Variants in NRG3 observed in about 807,000 individuals in gnomAD.
NRG3 encodes the protein pro-neuregulin-3, membrane-bound isoform.
In NRG3, 31 loss-of-function variants were observed where a neutral mutation model predicts 66.9. The observed-to-expected ratio is 0.46, with a 90% CI of 0.35 to 0.63. The LOEUF is 0.63. NRG3 is among the 20% of genes least tolerant of loss of function. The pLI is 0.00. For synonymous variants in NRG3, 393 were observed against 359.4 expected (o/e 1.09, Z -1.06); for missense variants, 910 against 878.9 (o/e 1.04, Z -0.45).
chr10:82,942,773 A>G (rs1564650780), intron 4 of NRG3, among the ~76,000 whole-genome samples: 1 of 152,056 alleles, frequency 6.6e-6, no homozygotes, highest in Non-Finnish European at 1.5e-5. Context: ...CCTCTTATCC[A>G]TTGTCTTTAC....
At chr10:82,794,890 A>G (rs555836318) in intron 3 of NRG3, among the ~76,000 whole-genome samples, 1 of 152,270 alleles carries the variant, frequency 6.6e-6, no homozygotes, top group East Asian at 1.9e-4. Context: ...GTGGCCACTC[A>G]CCCAAATGTA....
Position 82,973,859 on chromosome 10 carries a change from G to T in NRG3, c.1356G>T (p.Gln452His). 2 of 1,614,094 alleles carry T rather than the reference G, an allele frequency of 1.2e-6. No homozygotes were observed. The highest frequency in any genetic ancestry group is 1.7e-6 in the Non-Finnish European group (2 of 1,179,972). The change falls in exon 7 of 9, where the codon CAG becomes CAT. Residue 452 changes from glutamine to histidine, a missense_variant. Gln to His is a conservative substitution (Grantham distance 24). Transcript: ENST00000372141. ...KMMESSFVGP[Q>H]SFPEVPSPDR... ...TGGAGTCAAGTTTTGTCGGCCCCCA[G>T]TCATTCCCTGAGGTCCCTTCTCCTG...
intron 2 of NRG3, among the ~76,000 whole-genome samples, chr10:82,514,114 A>T (rs1234102102): frequency 2.0e-5 from 3 of 152,140 alleles, no homozygotes; most frequent in Admixed American, 2.0e-4. Flanking sequence ...CAGATGGCAA[A>T]ATTATTTTTC....
rs561944524 is a variant in NRG3, at chr10:82,640,077, C to T, written c.954-98500C>T. Among the ~76,000 whole-genome samples the T allele has an allele frequency of 7.2e-5, 11 of 152,244 alleles. No individual in the cohort carries two copies. In the East Asian group the frequency reaches 1.4e-3, roughly 19 times the overall value. ...AGGGATAATGGCCTCCAGTTCCATC[C>T]GTGTTCCTGCAGAGGACAAGATTGT... On this transcript the variant is annotated intron_variant, in intron 2 of 8. Coordinates refer to ENST00000372141, the MANE Select transcript of NRG3 (RefSeq NM_001010848.4).
intron 1 of NRG3, among the ~76,000 whole-genome samples, chr10:82,285,414 A>G (rs1036994861): frequency 6.6e-6 from 1 of 152,188 alleles, no homozygotes; most frequent in Non-Finnish European, 1.5e-5. Context: ...CAAACTTATG[A>G]TAGGAAAGTG....
At chr10:81,977,967 T>G (rs943028658) in intron 1 of NRG3, among the ~76,000 whole-genome samples, 1 of 152,132 alleles carries the variant, frequency 6.6e-6, no homozygotes, top group African/African-American at 2.4e-5. Flanking sequence ...GATACATGTA[T>G]TGTATCAGAT....
At chr10:81,948,955 A>G (rs908349958) in intron 1 of NRG3, among the ~76,000 whole-genome samples, 9 of 152,202 alleles carry the variant, frequency 5.9e-5, no homozygotes, top group Admixed American at 4.6e-4. Context: ...GGCAGGGTCC[A>G]AGAACATTTC....
At chr10:81,917,819 G>T (rs1845852835) in intron 1 of NRG3, among the ~76,000 whole-genome samples, 1 of 152,180 alleles carries the variant, frequency 6.6e-6, no homozygotes, top group Non-Finnish European at 1.5e-5. Flanking sequence ...AAAACTGAGA[G>T]CATTGGGCAC....
chr10:82,592,141 G>T (rs1243991131), intron 2 of NRG3, among the ~76,000 whole-genome samples: 1 of 152,156 alleles, frequency 6.6e-6, no homozygotes, highest in East Asian at 1.9e-4. Context: ...ACATGTAATG[G>T]CTCAGTGAAA....
chr10:82,747,040 G>A (rs1304965095), intron 3 of NRG3, among the ~76,000 whole-genome samples: 2 of 152,008 alleles, frequency 1.3e-5, no homozygotes, highest in African/African-American at 2.4e-5. Context: ...TTGTGATTGC[G>A]CCACTGCACT....
intron 2 of NRG3, among the ~76,000 whole-genome samples, chr10:82,507,101 A>G (rs1393005468): frequency 1.3e-5 from 2 of 152,244 alleles, no homozygotes; most frequent in African/African-American, 4.8e-5. Flanking sequence ...GGAGAATGAA[A>G]GAGCAATGTG....
intron 1 of NRG3, among the ~76,000 whole-genome samples, chr10:82,274,140 T>C (rs1198913708): frequency 6.6e-6 from 1 of 152,002 alleles, no homozygotes; most frequent in African/African-American, 2.4e-5. Flanking sequence ...TATTTTAAAA[T>C]TAAAAAAATC....
intron 3 of NRG3, among the ~76,000 whole-genome samples, chr10:82,782,355 G>A (rs1168673220): frequency 1.3e-5 from 2 of 152,070 alleles, no homozygotes; most frequent in African/African-American, 4.8e-5. Context: ...ACCTTTTGCT[G>A]TGCAATAATG....
chr10:81,894,744 T>C (rs1843365393), intron 1 of NRG3, among the ~76,000 whole-genome samples: 1 of 152,194 alleles, frequency 6.6e-6, no homozygotes, highest in Non-Finnish European at 1.5e-5. Context: ...CGTTCTGTCC[T>C]CGTTTCCACT....
intron 2 of NRG3, among the ~76,000 whole-genome samples, chr10:82,666,145 T>C (rs575295266): frequency 4.7e-4 from 72 of 152,244 alleles, no homozygotes; most frequent in African/African-American, 1.6e-3. Context: ...TCTTTACAGA[T>C]CCATTTGCAA....
chr10:82,073,733 T>C (rs1166626441), intron 1 of NRG3, among the ~76,000 whole-genome samples: 2 of 152,242 alleles, frequency 1.3e-5, no homozygotes, highest in Non-Finnish European at 2.9e-5. Flanking sequence ...TAGAACGCTG[T>C]AATTAATGCC....
At chr10:82,564,021 A>G (rs1045376371) in intron 2 of NRG3, among the ~76,000 whole-genome samples, 3 of 152,034 alleles carry the variant, frequency 2.0e-5, no homozygotes, top group South Asian at 2.1e-4. Flanking sequence ...AAGTACTTCT[A>G]TTTGTGATGA....
chr10:82,570,483 G>A (rs2045661778), intron 2 of NRG3, among the ~76,000 whole-genome samples: 1 of 151,606 alleles, frequency 6.6e-6, no homozygotes, highest in African/African-American at 2.4e-5. Flanking sequence ...CAAGCACTGT[G>A]CTTTGCAGAC....
At chr10:82,328,368 A>G (rs1554886033) in intron 1 of NRG3, among the ~76,000 whole-genome samples, 3 of 152,222 alleles carry the variant, frequency 2.0e-5, no homozygotes, top group Non-Finnish European at 4.4e-5. Flanking sequence ...TTAAAATTAA[A>G]TTAAAGTTTT....
Sources: gnomAD v4.1 joint callset for allele counts (sites outside exome capture counted in the v4.1 genomes callset) on GRCh38, gnomAD v4.1.1 for gene constraint, MANE v1.5 for transcripts, NCBI Gene and HGNC (gene_info 2026-07-23, HGNC 2026-07-21) for gene names.